BEGAIN: variants seen among roughly 807,000 people sequenced by gnomAD.
BEGAIN encodes the protein brain-enriched guanylate kinase-associated protein.
In BEGAIN, 19 loss-of-function variants were observed where a neutral mutation model predicts 35.8. The observed-to-expected ratio is 0.53, with a 90% CI of 0.37 to 0.78. The LOEUF (loss-of-function observed/expected upper bound fraction) is 0.78. Ranked by LOEUF, BEGAIN falls within the 30% of genes least tolerant of loss-of-function variation. BEGAIN has a pLI of 0.00. For missense variants in BEGAIN, 795 were observed against 853.6 expected, an observed-to-expected ratio of 0.93 and a Z score of 0.85; for synonymous variants, 462 against 388.6, an observed-to-expected ratio of 1.19 and a Z score of -2.22.
chr14:100,582,881 G>C (rs1255777085), intron 1 of BEGAIN, among the ~76,000 whole-genome samples: 1 of 151,884 alleles, frequency 6.6e-6, no homozygotes, highest in Non-Finnish European at 1.5e-5. Flanking sequence ...GCCCCCTCCT[G>C]ACCCTGCGCC....
chr14:100,566,092 G>A (rs778132402), intron 2 of BEGAIN, among the ~76,000 whole-genome samples: 7 of 152,208 alleles, frequency 4.6e-5, no homozygotes, highest in Non-Finnish European at 8.8e-5. Context: ...AGAGGGAGAG[G>A]AGGGCAGGAC....
rs2034426553 is a variant in BEGAIN, at chr14:100,563,234, G to A, written c.71+4677C>T. Among the ~76,000 whole-genome samples, 1 of 152,142 alleles carries A rather than the reference G, an allele frequency of 6.6e-6. No homozygotes were observed. The highest frequency in any genetic ancestry group is 1.5e-5 in the Non-Finnish European group (1 of 68,022). ...GGCCCGAACACCTGGGTGTCCTTGT[G>A]CAAAACCAAAACCAGAACCAAAAAG... On this transcript the variant is annotated intron_variant, in intron 2 of 6. Transcript: ENST00000554140. The surrounding 1 kb of genome is among the most constrained non-coding windows in gnomAD (Gnocchi z 4.2).
At chr14:100,539,462 C>G (rs2031227707) in intron 6 of BEGAIN, 147 bp from the exon 7 acceptor site, 6 of 1,391,726 alleles carry the variant, frequency 4.3e-6, no homozygotes, top group African/African-American at 2.9e-5. Context: ...TCAAATCACA[C>G]CAGGGGGAGC....
At chr14:100,571,437 C>T (rs1009501577) in intron 1 of BEGAIN, among the ~76,000 whole-genome samples, 1 of 152,200 alleles carries the variant, frequency 6.6e-6, no homozygotes, top group Non-Finnish European at 1.5e-5. Flanking sequence ...TCCACCCTTT[C>T]CTCTGCTGCT....
At chr14:100,574,701 G>C (rs540007616) in intron 1 of BEGAIN, among the ~76,000 whole-genome samples, 60 of 152,264 alleles carry the variant, frequency 3.9e-4, no homozygotes, top group African/African-American at 1.4e-3. Context: ...CAGGCACCTT[G>C]GGGGTCCCCC....
At chr14:100,543,574 C>T (rs1327457068) in intron 5 of BEGAIN, among the ~76,000 whole-genome samples, 5 of 152,230 alleles carry the variant, frequency 3.3e-5, no homozygotes, top group Admixed American at 1.3e-4. Flanking sequence ...TAATATGGCC[C>T]CGCATCCCCT....
chr14:100,565,892 A>C (rs2034643877), intron 2 of BEGAIN, among the ~76,000 whole-genome samples: 1 of 152,186 alleles, frequency 6.6e-6, no homozygotes. Context: ...GGTCTGTGGG[A>C]CCCCAAACCC....
intron 2 of BEGAIN, among the ~76,000 whole-genome samples, chr14:100,551,664 A>C (rs2140597291): frequency 6.6e-6 from 1 of 152,348 alleles, no homozygotes; most frequent in African/African-American, 2.4e-5. Context: ...GTGAGGATGA[A>C]AAATCAGAGA....
At chr14:100,553,957 G>T (rs1168231123) in intron 2 of BEGAIN, among the ~76,000 whole-genome samples, 1 of 152,214 alleles carries the variant, frequency 6.6e-6, no homozygotes, top group Non-Finnish European at 1.5e-5. Context: ...AGTGGAGCAG[G>T]TAAGCGTCCA....
chr14:100,564,108 G>A (rs1229269661), intron 2 of BEGAIN, among the ~76,000 whole-genome samples: 1 of 151,358 alleles, frequency 6.6e-6, no homozygotes, highest in African/African-American at 2.4e-5. Flanking sequence ...GGGATCTTAG[G>A]GGCTGGCCGG....
In BEGAIN at chr14:100,539,096, G is replaced by A. The variant is rs1225779940; in HGVS notation, c.712C>T (p.Arg238Trp). ...FCDGVEKPGP[R>W]PPYKGDIYCS... ...TAGATGTCTCCCTTGTAGGGGGGCCGCGGGCCTGGTTTCTCCACCCCGTCG... is the reference window on the plus strand; with the variant it reads ...TAGATGTCTCCCTTGTAGGGGGGCCACGGGCCTGGTTTCTCCACCCCGTCG... Residue 238 changes from arginine to tryptophan, a missense_variant, in exon 7 of 7, where the codon CGG (arginine) becomes TGG (tryptophan). By Grantham distance (101) the Arg-to-Trp change is moderately radical. Coordinates refer to ENST00000554140, the MANE Select transcript of BEGAIN (RefSeq NM_001385089.1). 3.7e-6 allele frequency: 6 copies of A among 1,611,020 alleles called. No individual in the cohort carries two copies. Among genetic ancestry groups the A allele is most frequent in the Admixed American group, 1.7e-5 (1 of 59,812 alleles).
Position 100,538,954 on chromosome 14 carries a change from G to C in BEGAIN, c.854C>G (p.Ala285Gly), listed in dbSNP as rs369893698. 1.9e-5 allele frequency: 30 copies of C among 1,609,118 alleles called. No homozygotes were observed. The African/African-American group carries it at 3.6e-4, about 19-fold the overall frequency. The change falls in exon 7 of 7, where the codon GCG becomes GGG. Residue 285 changes from alanine to glycine, a missense_variant. This residue lies in a region of BEGAIN where 664 missense variants were observed against 647.7 expected (regional missense o/e 1.03). Coordinates refer to ENST00000554140, the MANE Select transcript of BEGAIN (RefSeq NM_001385089.1). ...FLRAQNSTDS[A>G]AEEEEEAEAA... is the part of the protein sequence containing the mutation. Reference sequence around the variant, plus strand: ...CTCGGCCTCCTCCTCCTCCTCGGCCGCGCTGTCAGTGGAGTTCTGGGCCCG... The same window carrying C: ...CTCGGCCTCCTCCTCCTCCTCGGCCCCGCTGTCAGTGGAGTTCTGGGCCCG...
chr14:100,544,137 T>C (rs1057123269), intron 4 of BEGAIN, among the ~76,000 whole-genome samples, 172 bp from the exon 5 acceptor site: 3 of 152,096 alleles, frequency 2.0e-5, no homozygotes, highest in Non-Finnish European at 4.4e-5. Context: ...AATTCCTGGG[T>C]CCAACACTGC....
In BEGAIN at chr14:100,539,028, T is replaced by C; in HGVS notation, c.780A>G (p.Arg260=). 8 of 1,611,576 alleles carry C rather than the reference T, an allele frequency of 5.0e-6. No homozygotes were observed. Among genetic ancestry groups the C allele is most frequent in the Non-Finnish European group, 6.8e-6 (8 of 1,179,378 alleles). The change falls in exon 7 of 7, where the codon CGA becomes CGG. Residue 260 remains arginine (R), a synonymous_variant. Transcript: ENST00000554140. ...GCGCGTCCACGCTAGGCCGCCGGTC[T>C]CGCCGCCGCTCCTCCGGGCAGTAGA... is the stretch of plus-strand genomic sequence containing the variant. ...TALYCPEERR[R]DRRPSVDAPV...
rs1383650316 is a variant in BEGAIN at position 100,558,352 on chromosome 14, G to A, written c.71+9559C>T. ...AGCCAGGCACATGCTGCCTCTCCCT[G>A]CTCCCGCACCTCCCACCCTCACTGC... On this transcript the variant is annotated intron_variant, in intron 2 of 6. Transcript: ENST00000554140. This position sits in a 1 kb window ranked among gnomAD's most constrained non-coding sequence, Gnocchi z 4.6. Among the ~76,000 whole-genome samples the A allele has an allele frequency of 6.6e-6, 1 of 152,108 alleles. No homozygotes were observed. The highest frequency in any genetic ancestry group is 1.5e-5 in the Non-Finnish European group (1 of 68,018).
chr14:100,555,574 G>A (rs1194742418), intron 2 of BEGAIN, among the ~76,000 whole-genome samples: 1 of 152,258 alleles, frequency 6.6e-6, no homozygotes, highest in Non-Finnish European at 1.5e-5. Context: ...TGAGGAAACA[G>A]GTTCACAGCG....
intron 2 of BEGAIN, among the ~76,000 whole-genome samples, chr14:100,560,432 T>C (rs760863552): frequency 6.6e-6 from 1 of 152,186 alleles, no homozygotes; most frequent in Admixed American, 6.5e-5. Flanking sequence ...AGCCCAGCCA[T>C]GTGCCTCTTC....
In BEGAIN at chr14:100,538,395, G is replaced by T; in HGVS notation, c.1413C>A (p.Ala471=). ...CSFSERYYGG[A]GGSPGKKADG... is the part of the protein sequence containing the mutation. ...CGGCCTTCTTGCCCGGGCTGCCCCCGGCCCCGCCGTAGTAGCGTTCAGAGA... is the reference window on the plus strand; with the variant it reads ...CGGCCTTCTTGCCCGGGCTGCCCCCTGCCCCGCCGTAGTAGCGTTCAGAGA... The change falls in exon 7 of 7, where the codon GCC becomes GCA. Residue 471 remains alanine, a synonymous_variant. Coordinates refer to ENST00000554140, the MANE Select transcript of BEGAIN (RefSeq NM_001385089.1). 6.5e-7 allele frequency: 1 copy of T among 1,533,748 alleles called. No homozygotes were observed.
In BEGAIN at chr14:100,568,434, C is replaced by G. The variant is rs1595144546; in HGVS notation, c.43-495G>C. 2.3e-6 allele frequency: 3 copies of G among 1,283,460 alleles called. No homozygotes were observed. Among genetic ancestry groups the G allele is most frequent in the Non-Finnish European group, 1.0e-6 (1 of 985,474 alleles). The allele number at this position is 1,283,460 out of a possible 1,614,324, so 79.5% of individuals were successfully genotyped here. A position where few individuals can be genotyped will look rare whatever the true frequency, so the allele number is the denominator to read the frequency against. On this transcript the variant is annotated intron_variant, in intron 1 of 6. Coordinates refer to ENST00000554140, the MANE Select transcript of BEGAIN (RefSeq NM_001385089.1). This position sits in a 1 kb window ranked among gnomAD's most constrained non-coding sequence, Gnocchi z 7.5. ...TCGGGGCCGTGCAGGATTGCAGAAC[C>G]TGACACTCACACAATCCGAGGGCGA...
Sources: allele counts gnomAD v4.1 joint callset (sites outside exome capture counted in the v4.1 genomes callset), GRCh38; gene constraint gnomAD v4.1.1; regional missense constraint gnomAD v4.1.1; non-coding constraint Gnocchi (gnomAD v3.1); transcripts MANE v1.5; gene names NCBI Gene and HGNC (gene_info 2026-07-23, HGNC 2026-07-21).